Variants in GRID2 observed in about 807,000 individuals in gnomAD.
GRID2 encodes the protein glutamate ionotropic receptor delta type subunit 2, also known as glutamate receptor ionotropic, delta-2.
A neutral mutation model predicts 114.8 loss-of-function variants in GRID2; 33 were observed. The observed-to-expected ratio is 0.29, with a 90% CI of 0.22 to 0.38. The LOEUF (loss-of-function observed/expected upper bound fraction) is 0.38, where lower values mean the gene tolerates loss of function less well. Ranked by LOEUF, GRID2 falls within the 10% of genes least tolerant of loss-of-function variation. GRID2 has a pLI of 1.00. For synonymous variants in GRID2, 505 were observed against 449.9 expected, an observed-to-expected ratio of 1.12 and a Z score of -1.55; for missense variants, 1,184 against 1,257.7, an observed-to-expected ratio of 0.94 and a Z score of 0.89.
At chr4:92,905,257 G>A (rs543371986) in intron 2 of GRID2, among the ~76,000 whole-genome samples, 2 of 151,294 alleles carry the variant, frequency 1.3e-5, no homozygotes, top group Non-Finnish European at 1.5e-5. Flanking sequence ...AGACAGAAAT[G>A]GGGACTGAAT....
chr4:92,755,158 C>G (rs542294690), intron 2 of GRID2, among the ~76,000 whole-genome samples: 1 of 152,274 alleles, frequency 6.6e-6, no homozygotes, highest in South Asian at 2.1e-4. Flanking sequence ...GGGCATCAGA[C>G]TGGCTTTCTG....
chr4:93,399,039 C>T (rs1765631486), intron 9 of GRID2, among the ~76,000 whole-genome samples: 1 of 151,902 alleles, frequency 6.6e-6, no homozygotes, highest in Non-Finnish European at 1.5e-5. Flanking sequence ...CCAGCAACTC[C>T]CGAATCTTGA....
chr4:93,080,481 C>A, intron 2 of GRID2, among the ~76,000 whole-genome samples: 1 of 152,168 alleles, frequency 6.6e-6, no homozygotes, highest in Admixed American at 6.6e-5. Flanking sequence ...AAGGGTTACA[C>A]ATCAGAACTA....
At chr4:92,368,718 G>A (rs749530376) in intron 1 of GRID2, among the ~76,000 whole-genome samples, 3 of 151,998 alleles carry the variant, frequency 2.0e-5, no homozygotes, top group Non-Finnish European at 4.4e-5. Context: ...CCTACTCGGA[G>A]TCTATGATTT....
intron 2 of GRID2, among the ~76,000 whole-genome samples, chr4:92,766,213 T>A (rs1738257273): frequency 6.6e-6 from 1 of 152,166 alleles, no homozygotes; most frequent in African/African-American, 2.4e-5. Flanking sequence ...GGATTCTTTT[T>A]GAAGACCTGG....
At chr4:92,400,089 A>G (rs1730714482) in intron 1 of GRID2, among the ~76,000 whole-genome samples, 1 of 152,172 alleles carries the variant, frequency 6.6e-6, no homozygotes, top group African/African-American at 2.4e-5. Flanking sequence ...ATTTTAAATA[A>G]GAGATTCATT....
At chr4:93,159,355 G>A in intron 4 of GRID2, among the ~76,000 whole-genome samples, 1 of 151,786 alleles carries the variant, frequency 6.6e-6, no homozygotes, top group South Asian at 2.1e-4. Context: ...TCATAGTGCT[G>A]AGAAAAGCAA....
At chr4:93,687,284 A>C (rs1047416045) in intron 14 of GRID2, among the ~76,000 whole-genome samples, 9 of 152,022 alleles carry the variant, frequency 5.9e-5, no homozygotes, top group Non-Finnish European at 1.2e-4. Flanking sequence ...TGGGGGTGGA[A>C]GGGAAATTAT....
At chr4:93,298,113 T>C (rs542621855) in intron 8 of GRID2, among the ~76,000 whole-genome samples, 2 of 152,304 alleles carry the variant, frequency 1.3e-5, no homozygotes, top group South Asian at 2.1e-4. Context: ...TTTGCCCAAA[T>C]ATGGTCCTTG....
intron 2 of GRID2, among the ~76,000 whole-genome samples, chr4:92,864,276 G>C (rs1488047103): frequency 1.3e-5 from 2 of 152,128 alleles, no homozygotes; most frequent in South Asian, 4.1e-4. Flanking sequence ...CTTCCCATGG[G>C]AAAAGAAGTT....
chr4:92,316,587 A>C (rs2110118244), intron 1 of GRID2, among the ~76,000 whole-genome samples: 1 of 152,282 alleles, frequency 6.6e-6, no homozygotes, highest in East Asian at 1.9e-4. Flanking sequence ...TCATTGAAAC[A>C]AGACACGTTT....
At chr4:92,718,906 T>G (rs1238637533) in intron 2 of GRID2, among the ~76,000 whole-genome samples, 1 of 151,950 alleles carries the variant, frequency 6.6e-6, no homozygotes. Context: ...AAACAAACAA[T>G]TTATTGCAAT....
chr4:93,138,198 C>G (rs915474929), intron 4 of GRID2, among the ~76,000 whole-genome samples: 3 of 151,940 alleles, frequency 2.0e-5, no homozygotes, highest in African/African-American at 7.3e-5. Context: ...TGGTCTTGAA[C>G]TCCTGAGCTC....
rs5860312 is a variant in GRID2, at chr4:93,206,591, TACACACAC to T, written c.736-782_736-775del. On this transcript the variant is annotated intron_variant, in intron 4 of 15. Coordinates refer to ENST00000282020, the MANE Select transcript of GRID2 (RefSeq NM_001510.4). The stretch of plus-strand genomic sequence containing the variant: ...ACCTTCATATAGAAACTGCCCCTAC[TACACACAC>T]ACACACACACACACACACACACACA... 8.8e-3 allele frequency among the ~76,000 whole-genome samples: 1,260 copies of T among 143,030 alleles called. 13 individuals carry two copies. Among genetic ancestry groups the T allele is most frequent in the African/African-American group, 0.03 (1,188 of 39,088 alleles). The allele number at this position is 143,030 out of a possible 152,430, so 93.8% of individuals were successfully genotyped here. A position where few individuals can be genotyped will look rare whatever the true frequency, so the allele number is the denominator to read the frequency against.
intron 8 of GRID2, among the ~76,000 whole-genome samples, chr4:93,374,164 A>T (rs1763174264): frequency 6.6e-6 from 1 of 152,208 alleles, no homozygotes; most frequent in Non-Finnish European, 1.5e-5. Context: ...ATTTTAAATG[A>T]TATCATTTAT....
At chr4:93,115,739 G>T (rs952224503) in intron 4 of GRID2, among the ~76,000 whole-genome samples, 4 of 152,068 alleles carry the variant, frequency 2.6e-5, no homozygotes, top group Non-Finnish European at 1.5e-5. Context: ...AAGAGAGAAT[G>T]AGAGCCAATC....
chr4:93,458,737 C>T (rs528149457), intron 11 of GRID2, among the ~76,000 whole-genome samples: 6 of 151,950 alleles, frequency 3.9e-5, no homozygotes, highest in Non-Finnish European at 5.9e-5. Context: ...TTAGACTCAG[C>T]GGCAGATAAT....
chr4:93,109,783 T>C (rs1289705765), intron 3 of GRID2, among the ~76,000 whole-genome samples: 1 of 152,160 alleles, frequency 6.6e-6, no homozygotes, highest in East Asian at 1.9e-4. Flanking sequence ...ATTAAGCTTG[T>C]ATTGTGCCAG....
At chr4:93,589,381 C>T (rs1267139581) in intron 13 of GRID2, among the ~76,000 whole-genome samples, 1 of 151,790 alleles carries the variant, frequency 6.6e-6, no homozygotes, top group African/African-American at 2.4e-5. Context: ...AGGACATGAA[C>T]TCATCATTTT....
Sources: allele counts gnomAD v4.1 joint callset (sites outside exome capture counted in the v4.1 genomes callset), GRCh38; gene constraint gnomAD v4.1.1; transcripts MANE v1.5; gene names NCBI Gene and HGNC (gene_info 2026-07-23, HGNC 2026-07-21).